IQSEC1: variants seen among roughly 807,000 people sequenced by gnomAD.
IQSEC1 encodes the protein IQ motif and Sec7 domain ArfGEF 1, also known as IQ motif and SEC7 domain-containing protein 1.
IQSEC1 carries 31 observed loss-of-function variants against 91.0 expected under a neutral mutation model. The observed-to-expected ratio is 0.34, with a 90% CI of 0.26 to 0.46. The LOEUF is 0.46. Ranked by LOEUF, IQSEC1 falls within the 20% of genes least tolerant of loss-of-function variation. The pLI, the probability that IQSEC1 is intolerant of heterozygous loss-of-function variation, is 1.00. For missense variants in IQSEC1, 1,388 were observed against 1,575.6 expected (o/e 0.88, Z 2.02); for synonymous variants, 699 against 662.6 (o/e 1.05, Z -0.84).
chr3:13,185,830 C>T (rs539575817), intron 1 of IQSEC1, among the ~76,000 whole-genome samples: 3 of 152,256 alleles, frequency 2.0e-5, no homozygotes, highest in Non-Finnish European at 2.9e-5. Context: ...TGCAGAACTT[C>T]GGTGTGATCC....
At chr3:13,037,724 C>T (rs575293796) in intron 1 of IQSEC1, among the ~76,000 whole-genome samples, 4 of 152,224 alleles carry the variant, frequency 2.6e-5, no homozygotes, top group Non-Finnish European at 4.4e-5. Context: ...CATGGATGAA[C>T]CTTGAGGCCA....
intron 1 of IQSEC1, among the ~76,000 whole-genome samples, chr3:13,179,019 C>T (rs1042323220): frequency 1.3e-5 from 2 of 152,204 alleles, no homozygotes; most frequent in Admixed American, 6.5e-5. Context: ...ATGATGGCTT[C>T]CTTGCCCCTC....
intron 1 of IQSEC1, chr3:13,021,962 G>A (rs1703419352): frequency 9.5e-7 from 1 of 1,052,568 alleles, no homozygotes; most frequent in Non-Finnish European, 1.2e-6. Flanking sequence ...CCTGGACCCT[G>A]TACAGCCATG....
rs1450052980 is a variant in IQSEC1, at chr3:12,992,563, G to A, written c.24-50698C>T. On this transcript the variant is annotated intron_variant, in intron 1 of 13. Coordinates refer to ENST00000613206, the MANE Select transcript of IQSEC1 (RefSeq NM_001134382.3). The surrounding 1 kb of genome is among the most constrained non-coding windows in gnomAD (Gnocchi z 4.1). ...TTCAGAGGGGGCTGCACAGGCCAATGTGTCCACTGCCTGGTGGAGCCTGAC... is the reference window on the plus strand; with the variant it reads ...TTCAGAGGGGGCTGCACAGGCCAATATGTCCACTGCCTGGTGGAGCCTGAC... Among the ~76,000 whole-genome samples the A allele has an allele frequency of 6.6e-6, 1 of 152,194 alleles. No individual in the cohort carries two copies. Among genetic ancestry groups the A allele is most frequent in the Non-Finnish European group, 1.5e-5 (1 of 68,024 alleles).
In IQSEC1 at chr3:12,899,693, T is replaced by C. The variant is rs936848159; in HGVS notation, c.*1290A>G. The C allele has an allele frequency of 3.0e-6, 3 of 985,430 alleles. No individual in the cohort carries two copies. In the South Asian group the frequency reaches 1.4e-4, roughly 46 times the overall value. The allele number at this position is 985,430 out of a possible 1,614,324, so 61.0% of individuals were successfully genotyped here. On this transcript the variant is annotated 3_prime_UTR_variant, in exon 14 of 14. Transcript: ENST00000613206. ...TACATGGAATTACGGTGATCACTGC[T>C]ACCACTCAGAAAACAAAACGGGAAA...
At chr3:12,952,689 G>A (rs1484616504) in intron 1 of IQSEC1, among the ~76,000 whole-genome samples, 1 of 152,198 alleles carries the variant, frequency 6.6e-6, no homozygotes, top group Non-Finnish European at 1.5e-5. Flanking sequence ...CCTCCTGGCT[G>A]TTCCTCTCCG....
intron 2 of IQSEC1, among the ~76,000 whole-genome samples, chr3:13,151,470 C>G (rs976642423): frequency 6.6e-6 from 1 of 152,196 alleles, no homozygotes; most frequent in Admixed American, 6.5e-5. Flanking sequence ...AGCCCTGAGT[C>G]TCTCTGGCAT....
intron 1 of IQSEC1, among the ~76,000 whole-genome samples, chr3:13,231,264 C>T (rs536694750): frequency 1.4e-4 from 21 of 152,248 alleles, no homozygotes; most frequent in Admixed American, 7.8e-4. Context: ...TTTGAAGTCC[C>T]GTGCGTGTGT....
intron 2 of IQSEC1, among the ~76,000 whole-genome samples, chr3:13,134,433 T>C (rs759452632): frequency 2.6e-5 from 4 of 152,248 alleles, no homozygotes; most frequent in Admixed American, 6.5e-5. Flanking sequence ...CACAGCCAGC[T>C]CACCAGGAGC....
intron 6 of IQSEC1, among the ~76,000 whole-genome samples, chr3:12,916,302 C>T (rs543419738): frequency 1.4e-4 from 21 of 152,314 alleles, no homozygotes; most frequent in East Asian, 3.9e-4. Flanking sequence ...TGCATCTGAG[C>T]GGTGGGAGTG....
At chr3:13,161,485 G>A (rs1044265900) in intron 2 of IQSEC1, among the ~76,000 whole-genome samples, 1 of 152,162 alleles carries the variant, frequency 6.6e-6, no homozygotes, top group Admixed American at 6.5e-5. Flanking sequence ...TGGGGGCAGG[G>A]TAGATCTGAA....
Position 12,970,615 on chromosome 3 carries a change from C to G in IQSEC1, c.24-28750G>C, listed in dbSNP as rs1017074630. Among the ~76,000 whole-genome samples the G allele has an allele frequency of 6.6e-6, 1 of 152,156 alleles. No individual in the cohort carries two copies. The highest frequency in any genetic ancestry group is 1.5e-5 in the Non-Finnish European group (1 of 68,024). ...CAGCCTCGTGGCCTGGTTCATCTCTCCATCCCTTACCTCTCCTCCTGCCCA... is the reference window on the plus strand; with the variant it reads ...CAGCCTCGTGGCCTGGTTCATCTCTGCATCCCTTACCTCTCCTCCTGCCCA... On this transcript the variant is annotated intron_variant, in intron 1 of 13. Coordinates refer to ENST00000613206, the MANE Select transcript of IQSEC1 (RefSeq NM_001134382.3). The surrounding 1 kb of genome is among the most constrained non-coding windows in gnomAD (Gnocchi z 4.4).
At chr3:13,137,590 GC>G (rs1315448406) in intron 2 of IQSEC1, among the ~76,000 whole-genome samples, 4 of 152,220 alleles carry the variant, frequency 2.6e-5, no homozygotes, top group African/African-American at 9.6e-5. Context: ...ACACACGGGT[GC>G]AAATCATTGG....
At chr3:12,964,299 TACACACACACACAC>T (rs3072719) in intron 1 of IQSEC1, among the ~76,000 whole-genome samples, 1 of 149,800 alleles carries the variant, frequency 6.7e-6, no homozygotes, top group Non-Finnish European at 1.5e-5. Flanking sequence ...ATACTCCCCC[TACACACACACACAC>T]ACACACACAC....
At position 13,276,433 on chromosome 3, in the gene IQSEC1, C is replaced by G. The variant is rs906620552; in HGVS notation, c.272+6278G>C. Reference sequence around the variant, plus strand: ...GCCCTGGCTATTCCTCCCCTGGAGCCACCACCTAATGCGGGGCCACAGGCA... The same window carrying G: ...GCCCTGGCTATTCCTCCCCTGGAGCGACCACCTAATGCGGGGCCACAGGCA... On this transcript the variant is annotated intron_variant, in intron 1 of 15. Coordinates refer to the IQSEC1 transcript ENST00000648114. 5.9e-5 allele frequency among the ~76,000 whole-genome samples: 9 copies of G among 152,174 alleles called. No homozygotes were observed. In the East Asian group the frequency reaches 1.7e-3, roughly 29 times the overall value.
rs1021304653 is a variant in IQSEC1, at chr3:13,066,288, C to T, written c.23+6704G>A. On this transcript the variant is annotated intron_variant, in intron 1 of 13. Coordinates refer to ENST00000613206, the MANE Select transcript of IQSEC1 (RefSeq NM_001134382.3). ...AGGAAGTTTTCTGTCTATCTTACCA[C>T]AATTTTAAAAATGGTGATTTGTACC... is the stretch of plus-strand genomic sequence containing the variant. Among the ~76,000 whole-genome samples the T allele has an allele frequency of 8.5e-5, 13 of 152,264 alleles. 1 individual carries two copies. Among genetic ancestry groups the T allele is most frequent in the Admixed American group, 2.6e-4 (4 of 15,284 alleles).
At chr3:12,903,110 G>T (rs1694558576) in intron 12 of IQSEC1, among the ~76,000 whole-genome samples, 1 of 152,258 alleles carries the variant, frequency 6.6e-6, no homozygotes, top group Non-Finnish European at 1.5e-5. Flanking sequence ...CCAGGAGTCT[G>T]TTGAGAGGGA....
intron 1 of IQSEC1, among the ~76,000 whole-genome samples, chr3:13,065,271 A>G (rs1329015485): frequency 3.9e-5 from 6 of 152,242 alleles, no homozygotes; most frequent in South Asian, 4.1e-4. Context: ...GAGCACTTCA[A>G]TGATGAAGCA....
intron 1 of IQSEC1, among the ~76,000 whole-genome samples, chr3:13,197,533 C>A (rs974901685): frequency 1.3e-5 from 2 of 152,224 alleles, no homozygotes; most frequent in Admixed American, 1.3e-4. Flanking sequence ...TCAAATGTCC[C>A]CCACAGGCTG....
Sources: allele counts gnomAD v4.1 joint callset (sites outside exome capture counted in the v4.1 genomes callset), GRCh38; gene constraint gnomAD v4.1.1; non-coding constraint Gnocchi (gnomAD v3.1); transcripts MANE v1.5; gene names NCBI Gene and HGNC (gene_info 2026-07-23, HGNC 2026-07-21).